The following SPATA31E1 variants were observed in gnomAD, a reference collection of about 807,000 sequenced individuals.
SPATA31E1 encodes the protein spermatogenesis-associated protein 31E1.
A neutral mutation model predicts 12.9 loss-of-function variants in SPATA31E1; 7 were observed. The ratio of observed to expected loss-of-function variants is 0.54; its 90% CI spans 0.31 to 1.02. The LOEUF is 1.02. SPATA31E1 is among the 50% of genes least tolerant of loss of function. The pLI is 0.05. For missense variants in SPATA31E1, 1,961 were observed against 1,799.8 expected (o/e 1.09, Z -1.62); for synonymous variants, 771 against 719.0 (o/e 1.07, Z -1.16).
rs746898378 is a variant in SPATA31E1 at position 87,887,493 on chromosome 9, G to A, written c.3006G>A (p.Glu1002=). 1 of 1,613,958 alleles carries A rather than the reference G, an allele frequency of 6.2e-7. No individual in the cohort carries two copies. The change falls in exon 4 of 4, where the codon GAG becomes GAA. Residue 1002 remains glutamate, a synonymous_variant. Coordinates refer to ENST00000325643, the MANE Select transcript of SPATA31E1 (RefSeq NM_178828.5). ...TGGCTGGGAACGAGGCATGGCTTGA[G>A]AGTGAGAGCATGTCCCCAGGAGACC... The part of the protein sequence containing the change: ...SEMAGNEAWL[E]SESMSPGDPC...
In SPATA31E1 at chr9:87,885,658, A is replaced by G. The variant is rs1270295414; in HGVS notation, c.1171A>G (p.Met391Val). ...KERKRADHPH[M>V]TSLGKEWDIT... ...AAGAAAACGGGCCGACCACCCGCACATGACATCACTGGGGAAGGAGTGGGA... is the reference window on the plus strand; with the variant it reads ...AAGAAAACGGGCCGACCACCCGCACGTGACATCACTGGGGAAGGAGTGGGA... Residue 391 changes from methionine (M) to valine (V), a missense_variant, in exon 4 of 4, where the codon ATG becomes GTG. Transcript: ENST00000325643. 1.9e-6 allele frequency: 3 copies of G among 1,613,838 alleles called. No individual in the cohort carries two copies. Among genetic ancestry groups the G allele is most frequent in the Admixed American group, 1.7e-5 (1 of 60,026 alleles).
Position 87,886,117 on chromosome 9 carries a change from G to T in SPATA31E1, c.1630G>T (p.Gly544Cys), listed in dbSNP as rs545375673. ...GTGCTCTTCTCCACCCCAGATTAGGGGCTGTGGGGCATCTTACCCTACATC... is the reference window on the plus strand; with the variant it reads ...GTGCTCTTCTCCACCCCAGATTAGGTGCTGTGGGGCATCTTACCCTACATC... ...LGCSSPPQIR[G>C]CGASYPTSQE... The change falls in exon 4 of 4, where the codon GGC becomes TGC. Residue 544 changes from glycine to cysteine, a missense_variant. Gly to Cys is a radical substitution (Grantham distance 159). Transcript: ENST00000325643. The T allele has an allele frequency of 3.1e-6, 5 of 1,603,620 alleles. No homozygotes were observed. In the African/African-American group the frequency reaches 6.7e-5, roughly 21 times the overall value.
Position 87,885,768 on chromosome 9 carries a change from C to T in SPATA31E1, c.1281C>T (p.Thr427=), listed in dbSNP as rs201074253. ...CTCAGCAAGTCTCTGATGCCACAAC[C>T]GTGGGGAACCACTTACAGCAGAAAC... ...PRPQQVSDAT[T]VGNHLQQKRS... is the part of the protein sequence containing the mutation. Residue 427 remains threonine, a synonymous_variant, in exon 4 of 4, where the codon ACC becomes ACT. Transcript: ENST00000325643. 7.4e-5 allele frequency: 119 copies of T among 1,613,894 alleles called. 1 individual carries two copies. Among genetic ancestry groups the T allele is most frequent in the Non-Finnish European group, 8.9e-5 (105 of 1,180,042 alleles).
chr9:87,886,905 G>A lies in SPATA31E1; in HGVS notation c.2418G>A (p.Gly806=). Residue 806 remains glycine (G), a synonymous_variant, in exon 4 of 4, where the codon GGG becomes GGA. Coordinates refer to ENST00000325643, the MANE Select transcript of SPATA31E1 (RefSeq NM_178828.5). ...VPKSDTHRKP[G]KLASWRGGKA... Reference sequence around the variant, plus strand: ...AGTCTGACACCCACAGGAAACCTGGGAAGCTGGCATCCTGGAGGGGTGGGA... The same window carrying A: ...AGTCTGACACCCACAGGAAACCTGGAAAGCTGGCATCCTGGAGGGGTGGGA... 2 of 1,614,112 alleles carry A rather than the reference G, an allele frequency of 1.2e-6. No individual in the cohort carries two copies. The highest frequency in any genetic ancestry group is 1.7e-6 in the Non-Finnish European group (2 of 1,180,020).
At position 87,887,093 on chromosome 9, in the gene SPATA31E1, C is replaced by T. The variant is rs762431274; in HGVS notation, c.2606C>T (p.Pro869Leu). ...NVWSGEAQAP[P>L]FPQSTFTPWA... Reference sequence around the variant, plus strand: ...TGGTCAGGTGAGGCTCAGGCCCCGCCCTTCCCACAATCCACCTTTACCCCC... The same window carrying T: ...TGGTCAGGTGAGGCTCAGGCCCCGCTCTTCCCACAATCCACCTTTACCCCC... The change falls in exon 4 of 4, where the codon CCC becomes CTC. Residue 869 changes from proline (P) to leucine (L), a missense_variant. Transcript: ENST00000325643. The T allele has an allele frequency of 2.5e-6, 4 of 1,613,970 alleles. No homozygotes were observed.
At position 87,886,080 on chromosome 9, in the gene SPATA31E1, C is replaced by G. The variant is rs781164927; in HGVS notation, c.1593C>G (p.Val531=). Residue 531 remains valine (V), a synonymous_variant, in exon 4 of 4, where the codon GTC becomes GTG. Coordinates refer to ENST00000325643, the MANE Select transcript of SPATA31E1 (RefSeq NM_178828.5). ...CCCAGGCCCACCTCTCACCCCCTGT[C>G]CCAAGCCTGGGGTGCTCTTCTCCAC... ...IQTQAHLSPP[V]PSLGCSSPPQ... 14 of 1,610,346 alleles carry G rather than the reference C, an allele frequency of 8.7e-6. No individual in the cohort carries two copies. The East Asian group carries it at 3.1e-4, about 36-fold the overall frequency.
In SPATA31E1 at chr9:87,886,750, G is replaced by A; in HGVS notation, c.2263G>A (p.Asp755Asn). ...KYQSVSSTPRDPDKEHLENKL... is the reference protein window; with the variant it reads ...KYQSVSSTPRNPDKEHLENKL... ...CCAATCAGTAAGTTCCACACCCAGG[G>A]ACCCAGACAAGGAGCATCTGGAAAA... Residue 755 changes from aspartate to asparagine, a missense_variant, in exon 4 of 4, where the codon GAC becomes AAC. Asp to Asn is a conservative substitution (Grantham distance 23, BLOSUM62 1). Transcript: ENST00000325643. 1 of 1,613,976 alleles carries A rather than the reference G, an allele frequency of 6.2e-7. No individual in the cohort carries two copies. Among genetic ancestry groups the A allele is most frequent in the Non-Finnish European group, 8.5e-7 (1 of 1,180,030 alleles).
Position 87,886,325 on chromosome 9 carries a change from C to T in SPATA31E1, c.1838C>T (p.Pro613Leu). Residue 613 changes from proline to leucine, a missense_variant, in exon 4 of 4, where the codon CCC becomes CTC. Transcript: ENST00000325643. ...RPASWSPKSA[P>L]ILPGVVTSPE... is the part of the protein sequence containing the mutation. ...GCCTCCTGGAGCCCCAAGTCAGCCC[C>T]CATCCTTCCCGGGGTTGTCACCAGC... is the stretch of plus-strand genomic sequence containing the variant. 1 of 1,613,670 alleles carries T rather than the reference C, an allele frequency of 6.2e-7. No individual in the cohort carries two copies. The highest frequency in any genetic ancestry group is 8.5e-7 in the Non-Finnish European group (1 of 1,179,980).
chr9:87,883,851 A>G, intron 1 of SPATA31E1, 141 bp from the exon 2 acceptor site: 1 of 868,886 alleles, frequency 1.2e-6, no homozygotes, highest in Non-Finnish European at 1.8e-6. Context: ...TTCACGGTAA[A>G]CATGAGTAAA....
rs1369143643 is a variant in SPATA31E1, at chr9:87,884,799, T to C, written c.426-114T>C. On this transcript the variant is annotated intron_variant, in intron 3 of 3. Coordinates refer to ENST00000325643, the MANE Select transcript of SPATA31E1 (RefSeq NM_178828.5). ...CCTGGGGCAGGCTTAGGCAGAGCTT[T>C]ATGAAGTCAGCAGTTGGGGAGGTGG... The C allele has an allele frequency of 2.7e-6, 4 of 1,464,480 alleles. No homozygotes were observed. In the East Asian group the frequency reaches 9.5e-5, roughly 35 times the overall value. 90.7% of individuals were successfully genotyped at this position (1,464,480 alleles called of 1,614,324 possible).
chr9:87,884,893 G>A lies in SPATA31E1; in HGVS notation c.426-20G>A. On this transcript the variant is annotated intron_variant, in intron 3 of 3. Coordinates refer to ENST00000325643, the MANE Select transcript of SPATA31E1 (RefSeq NM_178828.5). ...CCCCATCTACCCCTGGCTGCAGCTT[G>A]TGCCTCTTGTCTCCTGCAGCCACCT... The A allele has an allele frequency of 6.3e-7, 1 of 1,588,970 alleles. No homozygotes were observed. Among genetic ancestry groups the A allele is most frequent in the Non-Finnish European group, 8.6e-7 (1 of 1,165,174 alleles).
chr9:87,887,337 G>C lies in SPATA31E1; in HGVS notation c.2850G>C (p.Pro950=). 6.2e-7 allele frequency: 1 copy of C among 1,613,754 alleles called. No individual in the cohort carries two copies. ...CCCATGGGCGATCAGAGGCCTTTCC[G>C]ACTGGACACAAGGGCAGGGGGTGTT... is the stretch of plus-strand genomic sequence containing the variant. ...ADTHGRSEAF[P]TGHKGRGCSQ... The change falls in exon 4 of 4, where the codon CCG becomes CCC. Residue 950 remains proline (P), a synonymous_variant. Transcript: ENST00000325643.
rs771365426 is a variant in SPATA31E1 at position 87,883,071 on chromosome 9, C to A, written c.180C>A (p.Ser60Arg). 4 of 1,612,888 alleles carry A rather than the reference C, an allele frequency of 2.5e-6. No individual in the cohort carries two copies. In the South Asian group the frequency reaches 4.4e-5, roughly 18 times the overall value. The stretch of plus-strand genomic sequence containing the variant: ...CTAGTGCCACATGGCTGAGCCCTAG[C>A]TCCACTCCCTGGATGATGGATTTCA... The part of the protein sequence containing the change: ...KSPSATWLSP[S>R]STPWMMDFIL... Residue 60 changes from serine to arginine, a missense_variant, in exon 1 of 4, where the codon AGC (serine) becomes AGA (arginine). Coordinates refer to ENST00000325643, the MANE Select transcript of SPATA31E1 (RefSeq NM_178828.5).
chr9:87,885,708 G>C lies in SPATA31E1; in HGVS notation c.1221G>C (p.Trp407Cys). The C allele has an allele frequency of 6.2e-7, 1 of 1,613,652 alleles. No homozygotes were observed. The highest frequency in any genetic ancestry group is 8.5e-7 in the Non-Finnish European group (1 of 1,180,012). ...EWDITTLNPF[W>C]NVSTQPQQLP... ...ACATCACGACCCTAAATCCCTTCTG[G>C]AACGTGTCAACCCAGCCACAGCAGC... The change falls in exon 4 of 4, where the codon TGG (tryptophan) becomes TGC (cysteine). Residue 407 changes from tryptophan (W) to cysteine (C), a missense_variant. Physicochemically the swap from Trp to Cys is radical, Grantham distance 215 (BLOSUM62 -2). Coordinates refer to ENST00000325643, the MANE Select transcript of SPATA31E1 (RefSeq NM_178828.5).
At position 87,888,013 on chromosome 9, in the gene SPATA31E1, G is replaced by T. The variant is rs980326530; in HGVS notation, c.3526G>T (p.Asp1176Tyr). Reference sequence around the variant, plus strand: ...ATGTGCCCTCCTATGGAAGGGAGGGGACAGTCCAGGGCAGCAGGAGCCTGG... The same window carrying T: ...ATGTGCCCTCCTATGGAAGGGAGGGTACAGTCCAGGGCAGCAGGAGCCTGG... ...GPCALLWKGG[D>Y]SPGQQEPGSP... is the part of the protein sequence containing the mutation. The change falls in exon 4 of 4, where the codon GAC (aspartate) becomes TAC (tyrosine). Residue 1176 changes from aspartate to tyrosine, a missense_variant. Transcript: ENST00000325643. 6.2e-7 allele frequency: 1 copy of T among 1,612,948 alleles called. No homozygotes were observed. Among genetic ancestry groups the T allele is most frequent in the African/African-American group, 1.3e-5 (1 of 74,922 alleles).
Position 87,887,277 on chromosome 9 carries a change from C to G in SPATA31E1, c.2790C>G (p.Val930=). ...CCCCACCGCCTGAGCAGGAGGGAGT[C>G]CAGAGGCCCCCGAGAGGGTCCCAGT... The part of the protein sequence containing the change: ...LAAPPPEQEG[V]QRPPRGSQSA... The change falls in exon 4 of 4, where the codon GTC becomes GTG. Residue 930 remains valine (V), a synonymous_variant. Transcript: ENST00000325643. The G allele has an allele frequency of 6.2e-7, 1 of 1,613,912 alleles. No homozygotes were observed. The highest frequency in any genetic ancestry group is 8.5e-7 in the Non-Finnish European group (1 of 1,180,006).
In SPATA31E1 at chr9:87,887,688, A is replaced by AG. The variant is rs1432044573; in HGVS notation, c.3205dup (p.Ala1069GlyfsTer7). On this transcript the variant is annotated frameshift_variant, in exon 4 of 4. Coordinates refer to ENST00000325643, the MANE Select transcript of SPATA31E1 (RefSeq NM_178828.5). LOFTEE classifies it low-confidence loss of function (END_TRUNC). ...GTGTTCAGGAGGATCTGAGGAGCAC[A>AG]GGGGCTCTGGGGACCACTGGTAACC... is the stretch of plus-strand genomic sequence containing the variant. 6.2e-7 allele frequency: 1 copy of AG among 1,614,118 alleles called. No homozygotes were observed. Among genetic ancestry groups the AG allele is most frequent in the East Asian group, 2.2e-5 (1 of 44,874 alleles).
In SPATA31E1 at chr9:87,888,032, A is replaced by G; in HGVS notation, c.3545A>G (p.Glu1182Gly). The part of the protein sequence containing the change: ...WKGGDSPGQQ[E>G]PGSPKAKAPQ... Reference sequence around the variant, plus strand: ...GGAGGGGACAGTCCAGGGCAGCAGGAGCCTGGGAGCCCAAAAGCAAAGGCC... The same window carrying G: ...GGAGGGGACAGTCCAGGGCAGCAGGGGCCTGGGAGCCCAAAAGCAAAGGCC... The change falls in exon 4 of 4, where the codon GAG becomes GGG. Residue 1182 changes from glutamate (E) to glycine (G), a missense_variant. Transcript: ENST00000325643. The G allele has an allele frequency of 6.2e-7, 1 of 1,610,700 alleles. No homozygotes were observed. Among genetic ancestry groups the G allele is most frequent in the Admixed American group, 1.7e-5 (1 of 59,504 alleles).
chr9:87,887,318 G>C lies in SPATA31E1; in HGVS notation c.2831G>C (p.Gly944Ala). Reference sequence around the variant, plus strand: ...GGGTCCCAGTCAGCTGATACCCATGGGCGATCAGAGGCCTTTCCGACTGGA... The same window carrying C: ...GGGTCCCAGTCAGCTGATACCCATGCGCGATCAGAGGCCTTTCCGACTGGA... Reference protein sequence around the residue: ...PRGSQSADTHGRSEAFPTGHK... With the variant: ...PRGSQSADTHARSEAFPTGHK... Residue 944 changes from glycine to alanine, a missense_variant, in exon 4 of 4, where the codon GGG (glycine) becomes GCG (alanine). Physicochemically the swap from Gly to Ala is moderately conservative, Grantham distance 60 (BLOSUM62 0). Coordinates refer to ENST00000325643, the MANE Select transcript of SPATA31E1 (RefSeq NM_178828.5). 6.2e-7 allele frequency: 1 copy of C among 1,613,778 alleles called. No individual in the cohort carries two copies. Among genetic ancestry groups the C allele is most frequent in the Non-Finnish European group, 8.5e-7 (1 of 1,180,034 alleles).
Sources: gnomAD v4.1 joint callset for allele counts on GRCh38, gnomAD v4.1.1 for gene constraint, MANE v1.5 for transcripts, NCBI Gene and HGNC (gene_info 2026-07-23, HGNC 2026-07-21) for gene names.